The following JAK2 variants were observed in gnomAD, a reference collection of about 807,000 sequenced individuals.
JAK2 encodes the protein Janus kinase 2, also known as tyrosine-protein kinase JAK2.
JAK2 carries 86 observed loss-of-function variants against 139.3 expected under a neutral mutation model. The observed-to-expected ratio is 0.62, with a 90% confidence interval of 0.52 to 0.74. The LOEUF is 0.74. JAK2 is among the 30% of genes least tolerant of loss of function. The probability of loss-of-function intolerance (pLI) is 0.00; values close to 1 mark genes in which losing one functional copy is unlikely to be tolerated. For missense variants in JAK2, 1,421 were observed against 1,360.3 expected, an observed-to-expected ratio of 1.04 and a Z score of -0.70; for synonymous variants, 490 against 437.7, an observed-to-expected ratio of 1.12 and a Z score of -1.49.
intron 4 of JAK2, among the ~76,000 whole-genome samples, chr9:5,036,593 C>G (rs1038610004): frequency 9.2e-5 from 14 of 152,104 alleles, no homozygotes; most frequent in African/African-American, 3.1e-4. Flanking sequence ...ACAAACCTGA[C>G]AAAAACAAGA....
chr9:5,066,605 G>T, intron 9 of JAK2, 73 bp from the exon 10 acceptor site: 1 of 837,536 alleles, frequency 1.2e-6, no homozygotes, highest in East Asian at 2.5e-5. Flanking sequence ...ACTTTTGATT[G>T]TTTTAGATGA....
intron 2 of JAK2, among the ~76,000 whole-genome samples, chr9:5,012,716 T>A (rs1821781621): frequency 6.6e-6 from 1 of 152,238 alleles, no homozygotes; most frequent in Non-Finnish European, 1.5e-5. Flanking sequence ...ACAAGGCAGA[T>A]GAGGTTCTTT....
In JAK2 at chr9:5,022,106, A is replaced by G; in HGVS notation, c.119A>G (p.Gln40Arg). The change falls in exon 3 of 25, where the codon CAG becomes CGG. Residue 40 changes from glutamine to arginine, a missense_variant. Gln to Arg is a conservative substitution (Grantham distance 43). Transcript: ENST00000381652. ...NSMKQIDPVL[Q>R]VYLYHSLGKS... The stretch of plus-strand genomic sequence containing the variant: ...ATGAAGCAAATAGATCCAGTTCTTC[A>G]GGTGTATCTTTACCATTCCCTTGGG... 6.2e-7 allele frequency: 1 copy of G among 1,613,868 alleles called. No homozygotes were observed. Among genetic ancestry groups the G allele is most frequent in the Non-Finnish European group, 8.5e-7 (1 of 1,179,720 alleles).
At chr9:4,996,451 AAAATAAAT>A (rs771867813) in intron 2 of JAK2, among the ~76,000 whole-genome samples, 1 of 152,104 alleles carries the variant, frequency 6.6e-6, no homozygotes, top group Non-Finnish European at 1.5e-5. Flanking sequence ...TCTGTCTCAA[AAAATAAAT>A]AAATAAATAA....
chr9:5,128,205 T>G lies in JAK2; in HGVS notation c.*1414T>G, dbSNP rs188162534. 1.3e-5 allele frequency: 3 copies of G among 231,694 alleles called. No homozygotes were observed. The highest frequency in any genetic ancestry group is 2.6e-5 in the Non-Finnish European group (3 of 117,044). The allele number at this position is 231,694 out of a possible 1,614,324, so 14.4% of individuals were successfully genotyped here. A position where few individuals can be genotyped will look rare whatever the true frequency, so the allele number is the denominator to read the frequency against. On this transcript the variant is annotated 3_prime_UTR_variant, in exon 25 of 25. Transcript: ENST00000381652. ...TTTATTTTTACTGGTATGTTCTACT[T>G]TTTTGAAAGTTGTACTGAAGACTTC...
At chr9:5,019,668 T>G (rs1328895227) in intron 2 of JAK2, among the ~76,000 whole-genome samples, 1 of 152,216 alleles carries the variant, frequency 6.6e-6, no homozygotes, top group East Asian at 1.9e-4. Context: ...ATCACTTCCA[T>G]TTTTTTGAAT....
At chr9:5,081,085 C>T (rs561623250) in intron 18 of JAK2, among the ~76,000 whole-genome samples, 88 of 151,596 alleles carry the variant, frequency 5.8e-4, no homozygotes, top group African/African-American at 1.8e-3. Flanking sequence ...TTAGTAGAGA[C>T]GGGGTTTCAC....
At chr9:5,071,346 T>G (rs1349130269) in intron 12 of JAK2, among the ~76,000 whole-genome samples, 1 of 151,978 alleles carries the variant, frequency 6.6e-6, no homozygotes, top group Admixed American at 6.6e-5. Context: ...AACATCAAAA[T>G]TAGAACTCCA....
At chr9:5,100,789 T>C (rs1821416697) in intron 22 of JAK2, 1 of 152,348 alleles carries the variant, frequency 6.6e-6, no homozygotes, top group African/African-American at 2.4e-5. Flanking sequence ...TGAGGCCCCT[T>C]TTACTATCTC....
At chr9:5,028,207 G>A (rs1378184660) in intron 3 of JAK2, among the ~76,000 whole-genome samples, 1 of 152,188 alleles carries the variant, frequency 6.6e-6, no homozygotes, top group Non-Finnish European at 1.5e-5. Flanking sequence ...TGTGTTAGCA[G>A]GCATGAAAAC....
At chr9:5,051,781 T>C (rs1817431017) in intron 6 of JAK2, among the ~76,000 whole-genome samples, 2 of 152,180 alleles carry the variant, frequency 1.3e-5, no homozygotes, top group African/African-American at 4.8e-5. Flanking sequence ...GCTTCAGTCA[T>C]TTCTTTGCCA....
intron 22 of JAK2, among the ~76,000 whole-genome samples, chr9:5,096,349 C>G (rs778329902): frequency 2.6e-5 from 4 of 152,144 alleles, no homozygotes; most frequent in African/African-American, 9.7e-5. Context: ...CCAAGGACTG[C>G]AAAACTCTAT....
At chr9:5,004,747 G>C (rs974242550) in intron 2 of JAK2, among the ~76,000 whole-genome samples, 13 of 151,922 alleles carry the variant, frequency 8.6e-5, no homozygotes, top group African/African-American at 2.9e-4. Context: ...TTCCCACCAA[G>C]AGTATACAAG....
intron 8 of JAK2, among the ~76,000 whole-genome samples, chr9:5,064,215 A>G (rs1818403381): frequency 6.6e-6 from 1 of 152,090 alleles, no homozygotes; most frequent in Non-Finnish European, 1.5e-5. Flanking sequence ...AGTTTGTAGC[A>G]TGAATACTTT....
chr9:5,084,323 A>C (rs1456628527), intron 19 of JAK2, among the ~76,000 whole-genome samples: 1 of 152,062 alleles, frequency 6.6e-6, no homozygotes, highest in East Asian at 1.9e-4. Context: ...TGATGTGTTC[A>C]GTGGTTTGTC....
At position 5,128,080 on chromosome 9, in the gene JAK2, TTGTGTGTGTG is replaced by T. The variant is rs139964957; in HGVS notation, c.*1321_*1330del. 3.6e-3 allele frequency: 799 copies of T among 224,382 alleles called. No individual in the cohort carries two copies. Among genetic ancestry groups the T allele is most frequent in the African/African-American group, 0.012 (507 of 43,276 alleles). The allele number at this position is 224,382 out of a possible 1,614,324, so 13.9% of individuals were successfully genotyped here. On this transcript the variant is annotated 3_prime_UTR_variant, in exon 25 of 25. Transcript: ENST00000381652. ...TAGCTAAAATAAAATATGGTGGGTT[TTGTGTGTGTG>T]TGTGTGTGTGTGTGTGTGTGTGTGT...
intron 2 of JAK2, among the ~76,000 whole-genome samples, chr9:4,986,649 C>T (rs938373471): frequency 6.6e-6 from 1 of 152,134 alleles, no homozygotes; most frequent in African/African-American, 2.4e-5. Context: ...GATTTTGTAT[C>T]CCTTCTCCAG....
At chr9:5,105,086 G>A (rs1821843261) in intron 22 of JAK2, among the ~76,000 whole-genome samples, 1 of 152,160 alleles carries the variant, frequency 6.6e-6, no homozygotes, top group African/African-American at 2.4e-5. Context: ...AAGAAATAAA[G>A]GGTATTCAAT....
intron 19 of JAK2, among the ~76,000 whole-genome samples, chr9:5,088,045 T>C (rs968852556): frequency 3.0e-4 from 45 of 152,220 alleles, no homozygotes; most frequent in African/African-American, 1.0e-3. Flanking sequence ...TTTCCTACTT[T>C]TGTTTTCTAA....
Sources: allele counts gnomAD v4.1 joint callset (sites outside exome capture counted in the v4.1 genomes callset), GRCh38; gene constraint gnomAD v4.1.1; transcripts MANE v1.5; gene names NCBI Gene and HGNC (gene_info 2026-07-23, HGNC 2026-07-21).